COL28A1: variants seen among roughly 807,000 people sequenced by gnomAD.
COL28A1 encodes collagen type XXVIII alpha 1 chain, also known as collagen alpha-1(XXVIII) chain.
COL28A1 carries 161 observed loss-of-function variants against 150.2 expected under a neutral mutation model. That is an observed-to-expected ratio of 1.07 (90% confidence interval 0.94 to 1.22). The LOEUF is 1.22. Among genes scored for constraint, COL28A1 ranks in the 50% most tolerant of loss-of-function variants. COL28A1 has a pLI of 0.00. For synonymous variants in COL28A1, 552 were observed against 469.7 expected (o/e 1.18, Z -2.26); for missense variants, 1,617 against 1,388.3 (o/e 1.16, Z -2.62).
At chr7:7,343,084 C>T in the COL28A1 span, among the ~76,000 whole-genome samples, 6 of 152,074 alleles carry the variant, frequency 3.9e-5, no homozygotes, top group East Asian at 1.9e-4. Context: ...GCCAGTTGTA[C>T]ATCTAACCGC....
At chr7:7,490,672 T>C (rs370125471) in intron 11 of COL28A1, 26 bp from the exon 12 acceptor site, 3 of 981,028 alleles carry the variant, frequency 3.1e-6, no homozygotes, top group Non-Finnish European at 5.0e-6. Context: ...GTGACATCAG[T>C]TATATGTTAG....
At chr7:7,422,652 G>GATAA (rs2128309343) in intron 25 of COL28A1, among the ~76,000 whole-genome samples, 2 of 151,634 alleles carry the variant, frequency 1.3e-5, no homozygotes, top group South Asian at 4.2e-4. Context: ...AAAAAAGGAA[G>GATAA]GATATAGCCA....
chr7:7,432,383 C>G, intron 25 of COL28A1, 90 bp downstream of exon 25: 1 of 968,850 alleles, frequency 1.0e-6, no homozygotes. Context: ...CTCTACTCTT[C>G]TAGCTGATAA....
chr7:7,351,061 C>G, the COL28A1 span, among the ~76,000 whole-genome samples: 1 of 152,012 alleles, frequency 6.6e-6, no homozygotes, highest in Non-Finnish European at 1.5e-5. Flanking sequence ...TGTTCTACTG[C>G]CAAACTAGAG....
At chr7:7,375,043 A>G (rs1203476514) in intron 31 of COL28A1, among the ~76,000 whole-genome samples, 37 of 152,208 alleles carry the variant, frequency 2.4e-4, no homozygotes, top group Admixed American at 2.4e-3. Flanking sequence ...CTCTACTCAG[A>G]AAGAATTCAT....
At chr7:7,461,522 A>G (rs1304309085) in intron 15 of COL28A1, among the ~76,000 whole-genome samples, 1 of 152,146 alleles carries the variant, frequency 6.6e-6, no homozygotes, top group Non-Finnish European at 1.5e-5. Flanking sequence ...CACTGCCTGG[A>G]AACAGACTCA....
In COL28A1 at chr7:7,495,380, GGTCAGT is replaced by G. The variant is rs1780151368; in HGVS notation, c.1027-4740_1027-4735del. On this transcript the variant is annotated intron_variant, in intron 11 of 34. Transcript: ENST00000399429. ...AGTGATTAATGAGGTTGAAGGCTCA[GGTCAGT>G]ACCATGAACAGTACCAACATTTAAG... Among the ~76,000 whole-genome samples the G allele has an allele frequency of 3.3e-5, 5 of 152,232 alleles. No homozygotes were observed. In the South Asian group the frequency reaches 1.0e-3, roughly 32 times the overall value.
chr7:7,489,349 A>C (rs781606114), intron 13 of COL28A1, 40 bp downstream of exon 13: 1 of 887,754 alleles, frequency 1.1e-6, no homozygotes, highest in South Asian at 1.3e-5. Flanking sequence ...TAAAAACTAT[A>C]TTTGTCCTTT....
chr7:7,526,644 T>C (rs747780484), intron 3 of COL28A1, among the ~76,000 whole-genome samples: 1 of 152,140 alleles, frequency 6.6e-6, no homozygotes, highest in East Asian at 1.9e-4. Context: ...CTTTTTTTTT[T>C]CTTCTTTTTG....
chr7:7,540,906 A>G, the COL28A1 span, among the ~76,000 whole-genome samples: 1 of 10,230 alleles, frequency 9.8e-5, no homozygotes, highest in Non-Finnish European at 2.4e-4. Context: ...CTACTTCAAT[A>G]ACTGATCCCT....
At chr7:7,511,189 T>A in intron 8 of COL28A1, 54 bp from the exon 9 acceptor site, 1 of 1,353,496 alleles carries the variant, frequency 7.4e-7, no homozygotes, top group Middle Eastern at 1.8e-4. Context: ...CATTCACTAT[T>A]AAGAATGTTT....
intron 5 of COL28A1, 62 bp from the exon 6 acceptor site, chr7:7,520,177 A>C: frequency 1.3e-6 from 1 of 794,610 alleles, no homozygotes; most frequent in South Asian, 1.7e-5. Flanking sequence ...TATACTTTAT[A>C]ATAATTTCTG....
rs1167050372 is a variant in COL28A1, at chr7:7,446,473, T to G, written c.1510-1984A>C. 1.3e-5 allele frequency among the ~76,000 whole-genome samples: 2 copies of G among 152,156 alleles called. 1 individual carries two copies. The highest frequency in any genetic ancestry group is 2.9e-5 in the Non-Finnish European group (2 of 68,026). The stretch of plus-strand genomic sequence containing the variant: ...ATTAAAAGTCTCTACTTTCTCTCTC[T>G]CCAAGATCACAAGCTTAGTTGGTTT... On this transcript the variant is annotated intron_variant, in intron 18 of 34. Transcript: ENST00000399429.
At chr7:7,537,441 A>T (rs1352878282), upstream of COL28A1, among the ~76,000 whole-genome samples, 1 of 152,228 alleles carries the variant, frequency 6.6e-6, no homozygotes, top group African/African-American at 2.4e-5. Flanking sequence ...TAACAAAATG[A>T]CATTGAACAA....
intron 27 of COL28A1, among the ~76,000 whole-genome samples, chr7:7,387,483 A>T (rs1782259549): frequency 6.6e-6 from 1 of 152,160 alleles, no homozygotes; most frequent in South Asian, 2.1e-4. Context: ...GTACTGTGTT[A>T]TATAAGAGAA....
chr7:7,438,080 C>CAAA (rs113945422), intron 21 of COL28A1, among the ~76,000 whole-genome samples: 2 of 132,658 alleles, frequency 1.5e-5, no homozygotes, highest in Non-Finnish European at 1.6e-5. Flanking sequence ...ACTAAAAATA[C>CAAA]AAAAAAAAAA....
intron 13 of COL28A1, among the ~76,000 whole-genome samples, chr7:7,477,813 T>G (rs1303446729): frequency 6.6e-6 from 1 of 152,224 alleles, no homozygotes; most frequent in Non-Finnish European, 1.5e-5. Flanking sequence ...TAGGGCAGCC[T>G]GCTTTTATTC....
intron 27 of COL28A1, among the ~76,000 whole-genome samples, chr7:7,409,215 G>C (rs1222551913): frequency 3.3e-5 from 5 of 152,060 alleles, no homozygotes; most frequent in Admixed American, 3.3e-4. Flanking sequence ...ACCACTGATG[G>C]GTAGGAAAAG....
chr7:7,459,019 C>T (rs1787389263), intron 15 of COL28A1, among the ~76,000 whole-genome samples: 1 of 152,010 alleles, frequency 6.6e-6, no homozygotes, highest in Admixed American at 6.6e-5. Context: ...AACATCAAGC[C>T]CTCTGAATCT....
Sources: allele counts gnomAD v4.1 joint callset (sites outside exome capture counted in the v4.1 genomes callset), GRCh38; gene constraint gnomAD v4.1.1; transcripts MANE v1.5; gene names NCBI Gene and HGNC (gene_info 2026-07-23, HGNC 2026-07-21).